SLC35E1: variants seen among roughly 807,000 people sequenced by gnomAD.
The protein encoded by SLC35E1 is solute carrier family 35, member E1.
In SLC35E1, 12 loss-of-function variants were observed where a neutral mutation model predicts 31.0. The observed-to-expected ratio is 0.39, with a 90% CI of 0.25 to 0.63. The LOEUF (loss-of-function observed/expected upper bound fraction) is 0.63. Ranked by LOEUF, SLC35E1 falls within the 20% of genes least tolerant of loss-of-function variation. The pLI, the probability that SLC35E1 is intolerant of heterozygous loss-of-function variation, is 0.52. For missense variants in SLC35E1, 429 were observed against 572.2 expected, an observed-to-expected ratio of 0.75 and a Z score of 2.55; for synonymous variants, 257 against 264.1, an observed-to-expected ratio of 0.97 and a Z score of 0.26.
At chr19:16,567,187 A>AT (rs993213446) in intron 3 of SLC35E1, among the ~76,000 whole-genome samples, 33 of 149,322 alleles carry the variant, frequency 2.2e-4, no homozygotes, top group South Asian at 2.1e-4. Context: ...GTTAAGAGCA[A>AT]TTTTTTTTTT....
In SLC35E1 at chr19:16,551,507, A is replaced by G. The variant is rs2122316234; in HGVS notation, c.*2172T>C. On this transcript the variant is annotated 3_prime_UTR_variant, in exon 6 of 6. Transcript: ENST00000595753. ...AAACATCTCGCTCGCTGGGAGATAA[A>G]AGGTAAATCTCTCATTTGCTGCTCT... The G allele has an allele frequency of 6.6e-6, 1 of 152,258 alleles. No homozygotes were observed. Among genetic ancestry groups the G allele is most frequent in the South Asian group, 2.1e-4 (1 of 4,826 alleles). The allele number at this position is 152,258 out of a possible 1,614,324, so 9.4% of individuals were successfully genotyped here.
intron 2 of SLC35E1, among the ~76,000 whole-genome samples, chr19:16,570,738 C>T (rs763555081): frequency 2.6e-5 from 4 of 152,152 alleles, no homozygotes; most frequent in Non-Finnish European, 5.9e-5. Context: ...TTGCCAAGAT[C>T]GAACTCCTTG....
intron 4 of SLC35E1, among the ~76,000 whole-genome samples, chr19:16,557,440 G>A (rs1003068430): frequency 3.4e-4 from 52 of 152,210 alleles, no homozygotes; most frequent in African/African-American, 1.2e-3. Flanking sequence ...TGATCCACCT[G>A]CCTCGGCCTC....
At chr19:16,556,866 G>A (rs1476055917) in intron 4 of SLC35E1, 11 of 471,194 alleles carry the variant, frequency 2.3e-5, no homozygotes, top group East Asian at 2.1e-4. Flanking sequence ...ACGCTTAGGC[G>A]ACCAGCTCAA....
In SLC35E1 at chr19:16,555,368, G is replaced by A. The variant is rs1380870162; in HGVS notation, c.786C>T (p.Leu262=). 8.7e-6 allele frequency: 14 copies of A among 1,613,844 alleles called. No individual in the cohort carries two copies. Among genetic ancestry groups the A allele is most frequent in the African/African-American group, 1.3e-5 (1 of 74,924 alleles). ...AGAAGCCGCTGACAGCCAGGAGCAG[G>A]AGCGTCCAGGGCCACTGGTAGACGT... ...LTYVYQWPWT[L]LLLAVSGFCN... The change falls in exon 5 of 6, where the codon CTC becomes CTT. Residue 262 remains leucine (L), a synonymous_variant. Coordinates refer to ENST00000595753, the MANE Select transcript of SLC35E1 (RefSeq NM_024881.5). The surrounding 1 kb of genome is among the most constrained non-coding windows in gnomAD (Gnocchi z 4.1).
intron 4 of SLC35E1, among the ~76,000 whole-genome samples, chr19:16,562,530 C>A (rs964302177): frequency 6.6e-6 from 1 of 152,148 alleles, no homozygotes; most frequent in Non-Finnish European, 1.5e-5. Context: ...TTGAAATCAT[C>A]GCTAGATTAC....
At position 16,552,620 on chromosome 19, in the gene SLC35E1, A is replaced by T. The variant is rs1048404910; in HGVS notation, c.*1059T>A. 2.0e-5 allele frequency: 3 copies of T among 152,276 alleles called. No individual in the cohort carries two copies. Among genetic ancestry groups the T allele is most frequent in the Admixed American group, 2.0e-4 (3 of 15,288 alleles). 9.4% of individuals were successfully genotyped at this position (152,276 alleles called of 1,614,324 possible). Reference sequence around the variant, plus strand: ...AGTGCTGGGATTACAGGTGTGAGCCACTGTGCCTGGCCGGGGAACTTTGTT... The same window carrying T: ...AGTGCTGGGATTACAGGTGTGAGCCTCTGTGCCTGGCCGGGGAACTTTGTT... On this transcript the variant is annotated 3_prime_UTR_variant, in exon 6 of 6. Transcript: ENST00000595753.
chr19:16,550,933 T>G lies in SLC35E1; in HGVS notation c.*2746A>C, dbSNP rs1288086012. 6.6e-6 allele frequency: 1 copy of G among 152,208 alleles called. No homozygotes were observed. Among genetic ancestry groups the G allele is most frequent in the Non-Finnish European group, 1.5e-5 (1 of 68,038 alleles). The allele number at this position is 152,208 out of a possible 1,614,324, so 9.4% of individuals were successfully genotyped here. On this transcript the variant is annotated 3_prime_UTR_variant, in exon 6 of 6. Transcript: ENST00000595753. The stretch of plus-strand genomic sequence containing the variant: ...AGTCATTTCCCGTCACCAGCAGATC[T>G]TGCATTGGAAAAGGAAAATAATATA...
At chr19:16,560,751 A>G (rs941728467) in intron 4 of SLC35E1, among the ~76,000 whole-genome samples, 2 of 150,774 alleles carry the variant, frequency 1.3e-5, no homozygotes, top group Non-Finnish European at 3.0e-5. Context: ...AATTCCAGCT[A>G]CTCAGGAAGC....
chr19:16,561,213 C>CAAA (rs59176175), intron 4 of SLC35E1, among the ~76,000 whole-genome samples: 1,039 of 24,740 alleles, frequency 0.042, 28 homozygotes, highest in Non-Finnish European at 0.049. Flanking sequence ...GACTCCATCT[C>CAAA]AAAAAAAAAA....
chr19:16,565,332 TC>T (rs908027800), intron 4 of SLC35E1: 4 of 341,428 alleles, frequency 1.2e-5, no homozygotes, highest in African/African-American at 2.2e-5. Context: ...CACCTCAGCC[TC>T]CCAAGTGGCT....
chr19:16,556,976 C>A (rs1568271703), intron 4 of SLC35E1: 1 of 471,270 alleles, frequency 2.1e-6, no homozygotes, highest in Non-Finnish European at 4.4e-6. Context: ...GGAATAGCCC[C>A]TGTAATATAT....
In SLC35E1 at chr19:16,553,450, A is replaced by G; in HGVS notation, c.*229T>C. On this transcript the variant is annotated 3_prime_UTR_variant, in exon 6 of 6. Transcript: ENST00000595753. Reference sequence around the variant, plus strand: ...ATGACAGACTCCAGGAAGAAAGAGCATGAGACACTGGTCTCTGTTTAGGTT... The same window carrying G: ...ATGACAGACTCCAGGAAGAAAGAGCGTGAGACACTGGTCTCTGTTTAGGTT... 1 of 371,182 alleles carries G rather than the reference A, an allele frequency of 2.7e-6. No individual in the cohort carries two copies. The highest frequency in any genetic ancestry group is 4.8e-6 in the Non-Finnish European group (1 of 207,718). 23.0% of individuals were successfully genotyped at this position (371,182 alleles called of 1,614,324 possible). A position where few individuals can be genotyped will look rare whatever the true frequency, so the allele number is the denominator to read the frequency against.
At chr19:16,570,421 C>T (rs1740835878) in intron 2 of SLC35E1, among the ~76,000 whole-genome samples, 1 of 152,198 alleles carries the variant, frequency 6.6e-6, no homozygotes, top group Admixed American at 6.5e-5. Context: ...ACATAAAATA[C>T]AACATGCCAG....
Position 16,553,506 on chromosome 19 carries a change from GGCAAC to G in SLC35E1, c.*168_*172del. On this transcript the variant is annotated 3_prime_UTR_variant, in exon 6 of 6. Coordinates refer to ENST00000595753, the MANE Select transcript of SLC35E1 (RefSeq NM_024881.5). ...AGAGCTCACGGCCGTCTGCACTGCA[GGCAAC>G]GCATCCTCCTGCGGCTCACGGGGGG... is the stretch of plus-strand genomic sequence containing the variant. 1 of 499,958 alleles carries G rather than the reference GGCAAC, an allele frequency of 2.0e-6. No individual in the cohort carries two copies. Among genetic ancestry groups the G allele is most frequent in the Non-Finnish European group, 3.4e-6 (1 of 296,896 alleles). 31.0% of individuals were successfully genotyped at this position (499,958 alleles called of 1,614,324 possible). A position where few individuals can be genotyped will look rare whatever the true frequency, so the allele number is the denominator to read the frequency against.
chr19:16,572,411 C>CGGGCGG lies in SLC35E1; in HGVS notation c.-48_-47insCCGCCC. On this transcript the variant is annotated 5_prime_UTR_variant, in exon 1 of 6. Coordinates refer to ENST00000595753, the MANE Select transcript of SLC35E1 (RefSeq NM_024881.5). This position sits in a 1 kb window ranked among gnomAD's most constrained non-coding sequence, Gnocchi z 4.1. ...TCCAGCCCGTCCGACGGCCCGACGC[C>CGGGCGG]GGGCGGGGGCGGGGCTGGGCGGGGG... The CGGGCGG allele has an allele frequency of 1.0e-6, 1 of 973,966 alleles. No homozygotes were observed. The highest frequency in any genetic ancestry group is 1.8e-5 in the African/African-American group (1 of 56,552). 60.3% of individuals were successfully genotyped at this position (973,966 alleles called of 1,614,324 possible).
At chr19:16,568,273 T>C in intron 2 of SLC35E1, 104 bp from the exon 3 acceptor site, 1 of 1,397,714 alleles carries the variant, frequency 7.2e-7, no homozygotes, top group African/African-American at 1.5e-5. Context: ...AGCAAAGGGA[T>C]ACCACCTAAC....
rs1308635655 is a variant in SLC35E1 at position 16,572,063 on chromosome 19, G to A, written c.302C>T (p.Pro101Leu). The change falls in exon 1 of 6, where the codon CCG becomes CTG. Residue 101 changes from proline (P) to leucine (L), a missense_variant. Pro to Leu is a moderately conservative substitution (Grantham distance 98). Transcript: ENST00000595753. The surrounding 1 kb of genome is among the most constrained non-coding windows in gnomAD (Gnocchi z 4.1). ...CGGGTAGAAGCGCGGCGGCAGCAGCGGGCCGGACGACGGATGCGGACTGGG... is the reference window on the plus strand; with the variant it reads ...CGGGTAGAAGCGCGGCGGCAGCAGCAGGCCGGACGACGGATGCGGACTGGG... ...PGPSPHPSSG[P>L]LLPPRFYPRY... is the part of the protein sequence containing the mutation. 2 of 1,539,210 alleles carry A rather than the reference G, an allele frequency of 1.3e-6. No individual in the cohort carries two copies. Among genetic ancestry groups the A allele is most frequent in the African/African-American group, 1.4e-5 (1 of 71,046 alleles).
chr19:16,571,797 T>C, intron 1 of SLC35E1, 147 bp downstream of exon 1: 1 of 944,644 alleles, frequency 1.1e-6, no homozygotes, highest in Admixed American at 2.6e-5. Flanking sequence ...ACCCCGTGCG[T>C]GTCCCTCCCC....
Sources: gnomAD v4.1 joint callset for allele counts (sites outside exome capture counted in the v4.1 genomes callset) on GRCh38, gnomAD v4.1.1 for gene constraint, Gnocchi (gnomAD v3.1) non-coding constraint, MANE v1.5 for transcripts, NCBI Gene and HGNC (gene_info 2026-07-23, HGNC 2026-07-21) for gene names.